The following RAPGEF5 variants were observed in gnomAD, a reference collection of about 807,000 sequenced individuals.
RAPGEF5 encodes M-Ras-regulated GEF.
In RAPGEF5, 65 loss-of-function variants were observed where a neutral mutation model predicts 125.2. The observed-to-expected ratio is 0.52, with a 90% confidence interval of 0.43 to 0.64. The LOEUF is 0.64. RAPGEF5 is among the 30% of genes least tolerant of loss of function. The probability of loss-of-function intolerance (pLI) is 0.00; values close to 1 mark genes in which losing one functional copy is unlikely to be tolerated. For synonymous variants in RAPGEF5, 391 were observed against 385.9 expected, an observed-to-expected ratio of 1.01 and a Z score of -0.16; for missense variants, 958 against 1,048.1, an observed-to-expected ratio of 0.91 and a Z score of 1.19.
intron 7 of RAPGEF5, among the ~76,000 whole-genome samples, chr7:22,244,264 G>A (rs997224158): frequency 1.3e-4 from 19 of 151,728 alleles, no homozygotes; most frequent in African/African-American, 3.2e-4. Context: ...GGACACTTCC[G>A]TTGATTCCAT....
chr7:22,163,063 T>C (rs973909817), intron 12 of RAPGEF5: 4 of 448,908 alleles, frequency 8.9e-6, no homozygotes, highest in Non-Finnish European at 1.3e-5. Flanking sequence ...AGGAACTTAC[T>C]TGAAAACATT....
intron 1 of RAPGEF5, among the ~76,000 whole-genome samples, chr7:22,343,445 G>A (rs556818484): frequency 6.6e-6 from 1 of 152,176 alleles, no homozygotes; most frequent in Non-Finnish European, 1.5e-5. Context: ...TTGAGATTGG[G>A]GGCTTGTTTT....
At chr7:22,125,547 A>G (rs1472826310) in intron 25 of RAPGEF5, 57 bp downstream of exon 25, 5 of 1,504,918 alleles carry the variant, frequency 3.3e-6, no homozygotes, top group Non-Finnish European at 4.6e-6. Context: ...ACTTGTGACC[A>G]CAGTTGGTAC....
At chr7:22,332,742 C>A (rs1436471508) in intron 1 of RAPGEF5, among the ~76,000 whole-genome samples, 1 of 152,212 alleles carries the variant, frequency 6.6e-6, no homozygotes, top group African/African-American at 2.4e-5. Context: ...GTATCTCAAG[C>A]TGGACAGCAA....
chr7:22,300,853 C>T (rs1021380811), intron 5 of RAPGEF5, among the ~76,000 whole-genome samples: 6 of 152,114 alleles, frequency 3.9e-5, no homozygotes, highest in Admixed American at 1.3e-4. Flanking sequence ...ATTTCTCCAT[C>T]CACCCCACCC....
intron 24 of RAPGEF5, 70 bp downstream of exon 24, chr7:22,130,967 C>A: frequency 6.6e-7 from 1 of 1,514,308 alleles, no homozygotes; most frequent in Non-Finnish European, 8.9e-7. Context: ...CTATTTATTT[C>A]CTAGAGCAGG....
intron 1 of RAPGEF5, among the ~76,000 whole-genome samples, chr7:22,325,795 A>G (rs1323160333): frequency 6.6e-6 from 1 of 151,852 alleles, no homozygotes; most frequent in African/African-American, 2.4e-5. Context: ...AACTCCTGAG[A>G]TCAAGCAATC....
chr7:22,343,059 C>A (rs1784158185), intron 1 of RAPGEF5, among the ~76,000 whole-genome samples: 1 of 152,118 alleles, frequency 6.6e-6, no homozygotes, highest in African/African-American at 2.4e-5. Flanking sequence ...CTGGACTGGG[C>A]AATTTACAAA....
chr7:22,133,776 C>T (rs959844574), intron 23 of RAPGEF5, among the ~76,000 whole-genome samples: 5 of 152,186 alleles, frequency 3.3e-5, no homozygotes, highest in African/African-American at 7.2e-5. Context: ...CTCCCCAGCA[C>T]TTAGTGTTTC....
chr7:22,232,993 G>A (rs1786096766), intron 7 of RAPGEF5, among the ~76,000 whole-genome samples: 1 of 152,158 alleles, frequency 6.6e-6, no homozygotes, highest in African/African-American at 2.4e-5. Context: ...CTATTTTTCA[G>A]AGAAAAGTTC....
chr7:22,157,993 T>A (rs898755206), intron 14 of RAPGEF5, 108 bp from the exon 15 acceptor site: 19 of 970,744 alleles, frequency 2.0e-5, no homozygotes, highest in Admixed American at 5.0e-5. Context: ...TTTTGCTCTT[T>A]AAAAAAAATA....
intron 11 of RAPGEF5, among the ~76,000 whole-genome samples, chr7:22,186,896 G>A (rs1784841314): frequency 6.6e-6 from 1 of 152,142 alleles, no homozygotes. Flanking sequence ...TTCTGCAAAT[G>A]GAATTTAGTA....
At chr7:22,135,921 G>C (rs1469595731) in intron 23 of RAPGEF5, 117 bp downstream of exon 23, 2 of 724,898 alleles carry the variant, frequency 2.8e-6, no homozygotes, top group African/African-American at 3.6e-5. Context: ...AATTAGGTCT[G>C]AATGTCAAAA....
At chr7:22,290,270 TG>T (rs1782898780) in intron 6 of RAPGEF5, among the ~76,000 whole-genome samples, 1 of 152,160 alleles carries the variant, frequency 6.6e-6, no homozygotes, top group South Asian at 2.1e-4. Flanking sequence ...AAATAATTTT[TG>T]GGGAAGGCTA....
intron 9 of RAPGEF5, among the ~76,000 whole-genome samples, chr7:22,206,114 G>T (rs1562761082): frequency 6.6e-6 from 1 of 152,180 alleles, no homozygotes; most frequent in Non-Finnish European, 1.5e-5. Context: ...GGGGGGAAGG[G>T]TGTCTTCAAG....
intron 1 of RAPGEF5, among the ~76,000 whole-genome samples, chr7:22,354,071 GA>G (rs34691959): frequency 5.3e-5 from 8 of 151,184 alleles, no homozygotes; most frequent in East Asian, 1.9e-4. Flanking sequence ...CCCTGTCTCA[GA>G]AAAAAAACAA....
chr7:22,213,017 G>A (rs77619310), intron 9 of RAPGEF5, among the ~76,000 whole-genome samples: 7,733 of 152,262 alleles, frequency 0.051, 336 homozygotes, highest in South Asian at 0.16. Context: ...AGGACCCTTT[G>A]ATAACATGAG....
At chr7:22,147,804 A>G (rs1783492088) in intron 18 of RAPGEF5, among the ~76,000 whole-genome samples, 1 of 152,238 alleles carries the variant, frequency 6.6e-6, no homozygotes, top group Non-Finnish European at 1.5e-5. Context: ...GAAGCGTTAG[A>G]TTTGAATAAT....
intron 6 of RAPGEF5, among the ~76,000 whole-genome samples, chr7:22,284,412 G>A (rs992682420): frequency 1.1e-4 from 16 of 152,100 alleles, no homozygotes; most frequent in African/African-American, 3.6e-4. Context: ...ATAAACCACA[G>A]AAAAAAGTTG....
Sources: allele counts gnomAD v4.1 joint callset (sites outside exome capture counted in the v4.1 genomes callset), GRCh38; gene constraint gnomAD v4.1.1; transcripts MANE v1.5; gene names NCBI Gene and HGNC (gene_info 2026-07-23, HGNC 2026-07-21).